The following PABPC4L variants were observed in gnomAD, a reference collection of about 807,000 sequenced individuals.
PABPC4L encodes the protein poly(A) binding protein cytoplasmic 4 like, also known as polyadenylate-binding protein 4-like.
For missense variants in PABPC4L, 452 were observed against 451.4 expected, an observed-to-expected ratio of 1.00 and a Z score of -0.01; for synonymous variants, 169 against 164.1, an observed-to-expected ratio of 1.03 and a Z score of -0.23.
chr4:134,200,036 C>G lies in PABPC4L; in HGVS notation c.984G>C (p.Glu328Asp), dbSNP rs1578884666. The change falls in exon 2 of 2, where the codon GAG becomes GAC. Residue 328 changes from glutamate to aspartate, a missense_variant. By Grantham distance (45) the Glu-to-Asp change is conservative. Transcript: ENST00000421491. ...SISRVKVMQEEGQSKGFGLIC... is the reference protein window; with the variant it reads ...SISRVKVMQEDGQSKGFGLIC... ...TCAAGCCAAACCCTTTGCTCTGCCC[C>G]TCTTCCTGCATTACCTTAACTCTGC... 2 of 1,551,688 alleles carry G rather than the reference C, an allele frequency of 1.3e-6. No homozygotes were observed. Among genetic ancestry groups the G allele is most frequent in the East Asian group, 2.4e-5 (1 of 40,910 alleles).
the PABPC4L span, among the ~76,000 whole-genome samples, chr4:134,095,874 G>T: frequency 2.0e-5 from 3 of 151,930 alleles, no homozygotes; most frequent in Non-Finnish European, 2.9e-5. Context: ...TTGCTCAAAA[G>T]TTGCACCCTG....
the PABPC4L span, among the ~76,000 whole-genome samples, chr4:134,079,817 A>T: frequency 2.6e-5 from 4 of 151,842 alleles, no homozygotes; most frequent in African/African-American, 4.8e-5. Flanking sequence ...AAATAATGGT[A>T]ATTCTAAAAT....
chr4:134,121,621 C>T, the PABPC4L span, among the ~76,000 whole-genome samples: 1 of 151,664 alleles, frequency 6.6e-6, no homozygotes, highest in African/African-American at 2.4e-5. Flanking sequence ...CAAGGTAAGC[C>T]TTATTCTCCT....
At chr4:134,188,153 A>G in the PABPC4L span, among the ~76,000 whole-genome samples, 3 of 151,600 alleles carry the variant, frequency 2.0e-5, no homozygotes, top group African/African-American at 7.3e-5. Context: ...AGAGATTACT[A>G]TATACTTTCC....
the PABPC4L span, among the ~76,000 whole-genome samples, chr4:134,178,365 C>CAAAAAAAAA: frequency 1.9e-5 from 2 of 104,062 alleles, no homozygotes; most frequent in South Asian, 3.4e-4. Context: ...AAGAAAAAAG[C>CAAAAAAAAA]AAAAAAAAAA....
At chr4:134,178,383 A>G in the PABPC4L span, among the ~76,000 whole-genome samples, 1 of 151,478 alleles carries the variant, frequency 6.6e-6, no homozygotes, top group East Asian at 1.9e-4. Context: ...AAAAAAAAAA[A>G]AAAATCCCCA....
the PABPC4L span, among the ~76,000 whole-genome samples, chr4:134,087,557 C>T: frequency 3.3e-5 from 5 of 152,110 alleles, no homozygotes; most frequent in Non-Finnish European, 5.9e-5. Context: ...TGCTGCAGAC[C>T]AGTGCAATGC....
At chr4:134,116,150 A>G in the PABPC4L span, among the ~76,000 whole-genome samples, 4 of 151,846 alleles carry the variant, frequency 2.6e-5, no homozygotes, top group Non-Finnish European at 5.9e-5. Context: ...ACTGCAAAGT[A>G]GAAGCACATC....
At chr4:134,112,618 A>ATC in the PABPC4L span, among the ~76,000 whole-genome samples, 9 of 137,212 alleles carry the variant, frequency 6.6e-5, no homozygotes, top group South Asian at 2.3e-4. Context: ...ATCTATCTAT[A>ATC]TATCTATCTA....
the PABPC4L span, among the ~76,000 whole-genome samples, chr4:133,993,054 A>G: frequency 6.6e-6 from 1 of 152,142 alleles, no homozygotes; most frequent in Admixed American, 6.5e-5. Context: ...TTAGCAAATC[A>G]TTTGGACAAT....
At chr4:134,077,054 A>G in the PABPC4L span, among the ~76,000 whole-genome samples, 1 of 152,288 alleles carries the variant, frequency 6.6e-6, no homozygotes, top group South Asian at 2.1e-4. Context: ...CATGGTAGCA[A>G]ACTTCCTTGG....
the PABPC4L span, among the ~76,000 whole-genome samples, chr4:133,954,448 A>C: frequency 6.6e-6 from 1 of 152,144 alleles, no homozygotes; most frequent in Non-Finnish European, 1.5e-5. Flanking sequence ...AGGCCAAAAG[A>C]CCAAAGACTT....
the PABPC4L span, among the ~76,000 whole-genome samples, chr4:134,076,283 G>A: frequency 6.6e-6 from 1 of 152,182 alleles, no homozygotes; most frequent in Non-Finnish European, 1.5e-5. Context: ...GAGAGGCTGG[G>A]TTAAAATAAG....
the PABPC4L span, among the ~76,000 whole-genome samples, chr4:133,957,371 G>T: frequency 6.6e-6 from 1 of 152,154 alleles, no homozygotes; most frequent in African/African-American, 2.4e-5. Context: ...TCACATCCAG[G>T]TCATGCTGAT....
At chr4:134,048,552 C>T in the PABPC4L span, among the ~76,000 whole-genome samples, 10 of 152,192 alleles carry the variant, frequency 6.6e-5, no homozygotes, top group East Asian at 1.9e-3. Context: ...ATCACATTTA[C>T]TTAATAGCTT....
the PABPC4L span, among the ~76,000 whole-genome samples, chr4:134,085,284 T>C: frequency 2.0e-5 from 3 of 152,238 alleles, no homozygotes; most frequent in African/African-American, 7.2e-5. Flanking sequence ...AGTTGGAGTA[T>C]GTATGTACAT....
chr4:134,004,722 A>G, the PABPC4L span, among the ~76,000 whole-genome samples: 1 of 151,944 alleles, frequency 6.6e-6, no homozygotes, highest in Non-Finnish European at 1.5e-5. Flanking sequence ...ATGCTCATCA[A>G]CAAATGAATA....
chr4:133,961,456 C>T, the PABPC4L span, among the ~76,000 whole-genome samples: 1 of 152,158 alleles, frequency 6.6e-6, no homozygotes, highest in Admixed American at 6.5e-5. Flanking sequence ...CCAGACCAAT[C>T]AGGCAGTAAA....
At chr4:134,092,138 C>T in the PABPC4L span, among the ~76,000 whole-genome samples, 1 of 151,766 alleles carries the variant, frequency 6.6e-6, no homozygotes, top group East Asian at 1.9e-4. Flanking sequence ...TGGAAAAGGC[C>T]CCACTCACAA....
Sources: gnomAD v4.1 joint callset for allele counts (sites outside exome capture counted in the v4.1 genomes callset) on GRCh38, gnomAD v4.1.1 for gene constraint, MANE v1.5 for transcripts, NCBI Gene and HGNC (gene_info 2026-07-23, HGNC 2026-07-21) for gene names.